Variants in XKR9 observed in about 807,000 individuals in gnomAD.
XKR9 encodes the protein XK related 9.
In XKR9, 32 loss-of-function variants were observed where a neutral mutation model predicts 32.0. That is an observed-to-expected ratio of 1.00 (90% CI 0.76 to 1.34). The LOEUF is 1.34. XKR9 is among the 40% of genes most tolerant of loss of function. The pLI, the probability that XKR9 is intolerant of heterozygous loss-of-function variation, is 0.00. For missense variants in XKR9, 546 were observed against 429.7 expected, an observed-to-expected ratio of 1.27 and a Z score of -2.39; for synonymous variants, 168 against 143.4, an observed-to-expected ratio of 1.17 and a Z score of -1.22.
intron 2 of XKR9, among the ~76,000 whole-genome samples, chr8:70,749,949 G>T (rs1051713326): frequency 6.6e-6 from 1 of 152,164 alleles, no homozygotes; most frequent in African/African-American, 2.4e-5. Flanking sequence ...GTAGTGATTA[G>T]ATCAGGAATA....
At chr8:70,957,198 G>A in the XKR9 span, among the ~76,000 whole-genome samples, 4 of 152,040 alleles carry the variant, frequency 2.6e-5, no homozygotes, top group Admixed American at 6.5e-5. Context: ...GAATCTTGAG[G>A]AAAAAAATAT....
chr8:70,706,906 A>G (rs1805734706), intron 3 of XKR9, 27 bp from the exon 4 acceptor site: 2 of 1,548,760 alleles, frequency 1.3e-6, no homozygotes, highest in South Asian at 1.2e-5. Flanking sequence ...ATAAAACTAA[A>G]GAGAAATGTT....
chr8:71,035,493 T>A, the XKR9 span, among the ~76,000 whole-genome samples: 24 of 152,322 alleles, frequency 1.6e-4, no homozygotes, highest in East Asian at 4.4e-3. Context: ...ATAAATTATC[T>A]TGTATTTATC....
chr8:71,060,705 A>C, the XKR9 span, among the ~76,000 whole-genome samples: 1 of 152,204 alleles, frequency 6.6e-6, no homozygotes, highest in Non-Finnish European at 1.5e-5. Context: ...GAAAAAAAAC[A>C]ACAGACAATA....
chr8:70,996,484 T>A, the XKR9 span, among the ~76,000 whole-genome samples: 1 of 152,244 alleles, frequency 6.6e-6, no homozygotes, highest in Admixed American at 6.5e-5. Flanking sequence ...AAGTTTGACA[T>A]CTAAGTTATT....
the XKR9 span, among the ~76,000 whole-genome samples, chr8:70,949,300 C>T: frequency 3.3e-3 from 498 of 151,778 alleles, 2 homozygotes; most frequent in Non-Finnish European, 5.2e-3. Context: ...TCTATTGTTC[C>T]GTTAGTTTGC....
chr8:70,760,278 G>A (rs1305738933), intron 2 of XKR9, among the ~76,000 whole-genome samples: 1 of 152,126 alleles, frequency 6.6e-6, no homozygotes, highest in East Asian at 1.9e-4. Context: ...TAAGGGAATT[G>A]TAGTCCATCT....
intron 3 of XKR9, among the ~76,000 whole-genome samples, chr8:70,700,622 G>A (rs920278892): frequency 3.3e-5 from 5 of 152,144 alleles, no homozygotes; most frequent in South Asian, 2.1e-4. Flanking sequence ...TAGGCTGCTC[G>A]GGGGTCAGGG....
the XKR9 span, among the ~76,000 whole-genome samples, chr8:70,942,491 T>C: frequency 6.6e-6 from 1 of 151,930 alleles, no homozygotes; most frequent in African/African-American, 2.4e-5. Context: ...AGGGGTTGGG[T>C]GAATTGGGGA....
At chr8:70,750,688 C>G (rs188221790) in intron 2 of XKR9, among the ~76,000 whole-genome samples, 1 of 152,222 alleles carries the variant, frequency 6.6e-6, no homozygotes, top group African/African-American at 2.4e-5. Context: ...TGGTTTTTAG[C>G]CTAGTCATTA....
chr8:70,670,816 TCTC>T (rs1818691681), intron 1 of XKR9, among the ~76,000 whole-genome samples: 1 of 152,146 alleles, frequency 6.6e-6, no homozygotes, highest in South Asian at 2.1e-4. Flanking sequence ...AGTAACCAAA[TCTC>T]CTACATCAGG....
the XKR9 span, among the ~76,000 whole-genome samples, chr8:70,813,140 A>T: frequency 1.2e-4 from 18 of 152,308 alleles, no homozygotes; most frequent in African/African-American, 3.9e-4. Flanking sequence ...ATAATGCCGC[A>T]TATCTACAAC....
At chr8:70,832,975 T>C in the XKR9 span, among the ~76,000 whole-genome samples, 1 of 152,190 alleles carries the variant, frequency 6.6e-6, no homozygotes, top group East Asian at 1.9e-4. Context: ...ATCAAATGAA[T>C]AAATAAATGA....
At chr8:70,756,218 C>G (rs1330358326) in intron 2 of XKR9, among the ~76,000 whole-genome samples, 4 of 152,162 alleles carry the variant, frequency 2.6e-5, no homozygotes, top group Non-Finnish European at 5.9e-5. Flanking sequence ...TTCTGTTCGA[C>G]TACTCTATAT....
chr8:70,714,293 G>T (rs1010438705), intron 4 of XKR9, among the ~76,000 whole-genome samples: 5 of 151,924 alleles, frequency 3.3e-5, no homozygotes, highest in Non-Finnish European at 7.4e-5. Context: ...GTCCATAAAA[G>T]ATATTAATGT....
chr8:71,048,887 T>C, the XKR9 span, among the ~76,000 whole-genome samples: 2 of 152,304 alleles, frequency 1.3e-5, no homozygotes, highest in South Asian at 4.1e-4. Context: ...CAATTTTTAT[T>C]TGAGGTAGAT....
chr8:70,903,616 GT>G, the XKR9 span, among the ~76,000 whole-genome samples: 2 of 152,056 alleles, frequency 1.3e-5, no homozygotes, highest in African/African-American at 2.4e-5. Context: ...TTTTTAAAGG[GT>G]TTTTTGTGTC....
chr8:70,911,694 T>C, the XKR9 span, among the ~76,000 whole-genome samples: 3 of 152,068 alleles, frequency 2.0e-5, no homozygotes, highest in African/African-American at 7.2e-5. Context: ...GGATAATACA[T>C]TGGTAGATGG....
At chr8:70,810,116 A>G in the XKR9 span, among the ~76,000 whole-genome samples, 1 of 152,224 alleles carries the variant, frequency 6.6e-6, no homozygotes, top group Non-Finnish European at 1.5e-5. Context: ...ACAAGCCAGA[A>G]GAGAGTGGGG....
Sources: gnomAD v4.1 joint callset for allele counts (sites outside exome capture counted in the v4.1 genomes callset) on GRCh38, gnomAD v4.1.1 for gene constraint, MANE v1.5 for transcripts, NCBI Gene and HGNC (gene_info 2026-07-23, HGNC 2026-07-21) for gene names.